The following DMD variants were observed in gnomAD, a reference collection of about 807,000 sequenced individuals.
DMD encodes mutant dystrophin.
Under a neutral mutation model 330.1 loss-of-function variants are expected in DMD, and 63 were observed. That is an observed-to-expected ratio of 0.19 (90% CI 0.16 to 0.24). The LOEUF (loss-of-function observed/expected upper bound fraction) is 0.24. Among genes scored for constraint, DMD ranks in the 10% least tolerant of loss-of-function variants. The pLI, the probability that DMD is intolerant of heterozygous loss-of-function variation, is 1.00. For synonymous variants in DMD, 1,223 were observed against 959.8 expected (o/e 1.27, Z -5.07); for missense variants, 3,344 against 2,684.1 (o/e 1.25, Z -5.43).
At chrX:32,838,724 A>G (rs2079880468) in intron 4 of DMD, among the ~76,000 whole-genome samples, 1 of 112,457 alleles carries the variant, frequency 8.9e-6, no homozygotes, top group South Asian at 3.6e-4. Flanking sequence ...CAAAACCACA[A>G]TGAGATACCA....
At chrX:32,320,051 G>A (rs1201324175) in intron 41 of DMD, among the ~76,000 whole-genome samples, 1 of 110,735 alleles carries the variant, frequency 9.0e-6, no homozygotes, top group Non-Finnish European at 1.9e-5. Context: ...GAAAATAAAA[G>A]TAACACAAGA....
chrX:32,854,571 CAAAA>C (rs1201969423), intron 2 of DMD, among the ~76,000 whole-genome samples: 3 of 61,614 alleles, frequency 4.9e-5, no homozygotes, highest in Admixed American at 1.8e-4. Flanking sequence ...GCACTTGTAT[CAAAA>C]AAAAAAAAAA....
chrX:33,211,346 A>G lies in DMD; in HGVS notation c.-34T>C, dbSNP rs1456715934. 4 of 1,203,028 alleles carry G rather than the reference A, an allele frequency of 3.3e-6. No individual in the cohort carries two copies. The South Asian group carries it at 7.2e-5, about 22-fold the overall frequency. ...GTGTATATCAAGGCAGCGATAAAAA[A>G]AACCTGGTAAAAGTTCTTCAAACTT... On this transcript the variant is annotated 5_prime_UTR_variant, in exon 1 of 79. Coordinates refer to ENST00000357033, the MANE Select transcript of DMD (RefSeq NM_004006.3).
intron 21 of DMD, among the ~76,000 whole-genome samples, chrX:32,479,329 T>C (rs892958233): frequency 9.0e-6 from 1 of 111,098 alleles, no homozygotes; most frequent in Non-Finnish European, 1.9e-5. Context: ...GAAACATAGA[T>C]TTTTATTAAC....
intron 11 of DMD, among the ~76,000 whole-genome samples, chrX:32,640,398 G>A (rs1357877979): frequency 9.1e-6 from 1 of 109,878 alleles, no homozygotes; most frequent in Non-Finnish European, 1.9e-5. Flanking sequence ...GTTTGAGAAA[G>A]CAAGCCCTTA....
At chrX:32,776,124 G>T (rs1240997838) in intron 7 of DMD, among the ~76,000 whole-genome samples, 1 of 111,658 alleles carries the variant, frequency 9.0e-6, no homozygotes, top group African/African-American at 3.3e-5. Context: ...CATAGCAAGA[G>T]TCACTTTTAC....
At chrX:32,777,277 T>TGGGGGGGGGGGGGGGG (rs546914107) in intron 7 of DMD, among the ~76,000 whole-genome samples, 2 of 2,111 alleles carry the variant, frequency 9.5e-4, no homozygotes, top group African/African-American at 3.1e-3. Flanking sequence ...GGTTTCTGGT[T>TGGGGGGGGGGGGGGGG]GGGGGGGGAA....
intron 60 of DMD, among the ~76,000 whole-genome samples, chrX:31,394,962 A>AGAGAGAGAGAGAGAGAGAGAGAGAG (rs2060854934): frequency 9.2e-6 from 1 of 108,757 alleles, no homozygotes; most frequent in Non-Finnish European, 1.9e-5. Flanking sequence ...AGAGAGAGAG[A>AGAGAGAGAGAGAGAGAGAGAGAGAG]CCAAGTGTGG....
At chrX:31,338,309 C>CAAAAAAAAAAAAAA (rs752828727) in intron 61 of DMD, among the ~76,000 whole-genome samples, 1 of 53,370 alleles carries the variant, frequency 1.9e-5, no homozygotes, top group Non-Finnish European at 3.3e-5. Context: ...AGTAAAAATA[C>CAAAAAAAAAAAAAA]AAAAAAAAAA....
intron 9 of DMD, among the ~76,000 whole-genome samples, chrX:32,670,646 T>A (rs1569433792): frequency 8.9e-6 from 1 of 112,140 alleles, no homozygotes; most frequent in Admixed American, 9.5e-5. Context: ...TATGTGACGA[T>A]TTTTGCAAAC....
intron 1 of DMD, among the ~76,000 whole-genome samples, chrX:33,120,312 A>C (rs950586350): frequency 8.9e-6 from 1 of 111,741 alleles, no homozygotes; most frequent in Non-Finnish European, 1.9e-5. Context: ...CCTGCTGGTG[A>C]ATCTCTGAGA....
Position 32,454,840 on chromosome X carries a change from AAAAC to A in DMD, c.3433-12_3433-9del, listed in dbSNP as rs771258264. 5.8e-5 allele frequency: 70 copies of A among 1,202,770 alleles called. No individual in the cohort carries two copies. Among genetic ancestry groups the A allele is most frequent in the East Asian group, 1.5e-4 (5 of 33,607 alleles). On this transcript the variant is annotated splice_polypyrimidine_tract_variant and intron_variant, in intron 25 of 78. Transcript: ENST00000357033. ...CTCCTTTCTGGCATAGACCTTCCAC[AAAAC>A]AAACAAACAAAACACGATTATTGAC...
At chrX:32,405,230 G>A (rs1475557943) in intron 30 of DMD, among the ~76,000 whole-genome samples, 6 of 111,526 alleles carry the variant, frequency 5.4e-5, no homozygotes, top group East Asian at 2.8e-4. Flanking sequence ...TGATTGCTCC[G>A]GGGCTCAGCA....
chrX:32,850,001 A>G lies in DMD; in HGVS notation c.94-181T>C, dbSNP rs749885249. Among the ~76,000 whole-genome samples the G allele has an allele frequency of 4.9e-3, 551 of 112,247 alleles. 1 individual carries two copies. Among genetic ancestry groups the G allele is most frequent in the African/African-American group, 0.017 (521 of 30,909 alleles). ...ATGACAAAAAAAATTTAAAAATTTT[A>G]TCATAGGTCAAGTCTATTTGAATTA... On this transcript the variant is annotated intron_variant, in intron 2 of 78. Transcript: ENST00000357033.
intron 30 of DMD, among the ~76,000 whole-genome samples, chrX:32,402,081 A>C (rs186871309): frequency 1.8e-5 from 2 of 111,859 alleles, no homozygotes; most frequent in Non-Finnish European, 3.8e-5. Flanking sequence ...ATTAAAATTC[A>C]TTAAATGGAA....
chrX:31,180,560 C>A, intron 68 of DMD, 79 bp from the exon 69 acceptor site: 1 of 678,176 alleles, frequency 1.5e-6, no homozygotes, highest in Non-Finnish European at 2.4e-6. Context: ...AAACCTTCTA[C>A]CACGTTCTAA....
chrX:31,404,691 T>TA (rs2061335698), intron 60 of DMD, among the ~76,000 whole-genome samples: 1 of 111,904 alleles, frequency 8.9e-6, no homozygotes, highest in Non-Finnish European at 1.9e-5. Context: ...AGCATAACTG[T>TA]AGTCAGCAAT....
chrX:31,209,694 G>A lies in DMD; in HGVS notation c.9367C>T (p.Leu3123Phe). ...TCACATGCAGCTGACAGGCTCAAGA[G>A]ATCCACTGCAAAAAACAAATAAAAT... Reference protein sequence around the residue: ...RRLQKALCLDLLSLSAACDAL... With the variant: ...RRLQKALCLDFLSLSAACDAL... Residue 3123 changes from leucine to phenylalanine, a missense_variant, in exon 65 of 79, where the codon CTC (leucine) becomes TTC (phenylalanine). By Grantham distance (22) the Leu-to-Phe change is conservative (BLOSUM62 0). Transcript: ENST00000357033. The A allele has an allele frequency of 8.3e-7, 1 of 1,209,790 alleles. No individual in the cohort carries two copies. The highest frequency in any genetic ancestry group is 1.7e-5 in the African/African-American group (1 of 57,685).
intron 7 of DMD, among the ~76,000 whole-genome samples, chrX:32,783,413 T>G (rs2075068002): frequency 9.5e-6 from 1 of 105,149 alleles, no homozygotes; most frequent in Admixed American, 1.0e-4. Context: ...ACCCCTAGTA[T>G]GTACCCACAA....
Sources: allele counts gnomAD v4.1 joint callset (sites outside exome capture counted in the v4.1 genomes callset), GRCh38; gene constraint gnomAD v4.1.1; transcripts MANE v1.5; gene names NCBI Gene and HGNC (gene_info 2026-07-23, HGNC 2026-07-21).